Variants in ATOSA observed in about 807,000 individuals in gnomAD.
The protein encoded by ATOSA is atos homolog protein A.
At chr15:52,613,150 G>C in the ATOSA span, among the ~76,000 whole-genome samples, 1 of 152,130 alleles carries the variant, frequency 6.6e-6, no homozygotes, top group Non-Finnish European at 1.5e-5. Context: ...GGCGGATCAT[G>C]AGGTCAGGAG....
chr15:52,582,265 G>GT, the ATOSA span: 1 of 1,598,124 alleles, frequency 6.3e-7, no homozygotes, highest in Non-Finnish European at 8.5e-7. Flanking sequence ...GGAGCCGTAC[G>GT]TCTCTATGGA....
the ATOSA span, among the ~76,000 whole-genome samples, chr15:52,689,049 T>C: frequency 3.9e-5 from 6 of 152,144 alleles, no homozygotes; most frequent in Admixed American, 3.9e-4. Flanking sequence ...ATTCTGAGAA[T>C]AGTTAGTAGC....
At chr15:52,666,919 C>T in the ATOSA span, among the ~76,000 whole-genome samples, 1 of 151,302 alleles carries the variant, frequency 6.6e-6, no homozygotes, top group Non-Finnish European at 1.5e-5. Context: ...AAGGATGGTC[C>T]GAGAAGGCTT....
chr15:52,673,909 C>T, the ATOSA span, among the ~76,000 whole-genome samples: 2 of 152,024 alleles, frequency 1.3e-5, no homozygotes, highest in Non-Finnish European at 2.9e-5. Context: ...TGTAATATAG[C>T]CAAATGGAGG....
At chr15:52,695,673 A>G in the ATOSA span, among the ~76,000 whole-genome samples, 1 of 152,202 alleles carries the variant, frequency 6.6e-6, no homozygotes, top group African/African-American at 2.4e-5. Context: ...AAATGGTATG[A>G]GATATAAGAG....
the ATOSA span, among the ~76,000 whole-genome samples, chr15:52,644,767 C>A: frequency 6.6e-6 from 1 of 152,108 alleles, no homozygotes; most frequent in East Asian, 1.9e-4. Context: ...TAGGCAATCA[C>A]TAAATCTCTA....
the ATOSA span, among the ~76,000 whole-genome samples, chr15:52,615,608 A>G: frequency 6.6e-6 from 1 of 152,220 alleles, no homozygotes; most frequent in African/African-American, 2.4e-5. Flanking sequence ...ATGCAAAAAG[A>G]AAGACTGGAG....
chr15:52,600,950 G>A, the ATOSA span: 7 of 611,250 alleles, frequency 1.1e-5, 1 homozygote, highest in South Asian at 6.4e-5. Context: ...TAATAACTGC[G>A]TGTGTACATG....
chr15:52,696,937 A>G, the ATOSA span, among the ~76,000 whole-genome samples: 1 of 152,122 alleles, frequency 6.6e-6, no homozygotes, highest in Non-Finnish European at 1.5e-5. Context: ...TCAAGGCCAG[A>G]AAAGATTAAA....
the ATOSA span, among the ~76,000 whole-genome samples, chr15:52,613,302 G>A: frequency 2.0e-5 from 3 of 152,224 alleles, no homozygotes; most frequent in Non-Finnish European, 4.4e-5. Flanking sequence ...GGAGGTGGAG[G>A]TTGCAGTGAG....
At chr15:52,637,815 G>A in the ATOSA span, among the ~76,000 whole-genome samples, 21 of 152,218 alleles carry the variant, frequency 1.4e-4, no homozygotes, top group East Asian at 3.5e-3. Context: ...TTATAGTATT[G>A]CTATTAAAGC....
the ATOSA span, among the ~76,000 whole-genome samples, chr15:52,706,750 C>T: frequency 6.6e-6 from 1 of 152,284 alleles, no homozygotes; most frequent in East Asian, 1.9e-4. Context: ...TGTATTGATG[C>T]ATGCCACAAA....
chr15:52,668,465 G>A, the ATOSA span, among the ~76,000 whole-genome samples: 1 of 152,110 alleles, frequency 6.6e-6, no homozygotes, highest in Non-Finnish European at 1.5e-5. Context: ...TTAGATAGGA[G>A]GAATAAATTC....
chr15:52,706,773 G>A, the ATOSA span, among the ~76,000 whole-genome samples: 3 of 152,204 alleles, frequency 2.0e-5, no homozygotes, highest in East Asian at 1.9e-4. Flanking sequence ...GGATGAAATC[G>A]AAAACATCAT....
chr15:52,619,854 A>G, the ATOSA span, among the ~76,000 whole-genome samples: 2 of 152,036 alleles, frequency 1.3e-5, no homozygotes, highest in Admixed American at 6.6e-5. Flanking sequence ...AAAGAAAAGA[A>G]AAGAAAAATA....
the ATOSA span, among the ~76,000 whole-genome samples, chr15:52,671,501 G>T: frequency 1.3e-5 from 2 of 152,140 alleles, no homozygotes; most frequent in African/African-American, 4.8e-5. Flanking sequence ...CCTACTAAAT[G>T]ATGGGAATAC....
At chr15:52,626,677 AG>A in the ATOSA span, among the ~76,000 whole-genome samples, 4 of 152,134 alleles carry the variant, frequency 2.6e-5, no homozygotes, top group Non-Finnish European at 4.4e-5. Context: ...ATAATGGTAA[AG>A]GGGGGCCTTA....
At chr15:52,666,988 G>A in the ATOSA span, among the ~76,000 whole-genome samples, 6 of 152,138 alleles carry the variant, frequency 3.9e-5, 1 homozygote, top group South Asian at 1.0e-3. Context: ...TATATTCTGA[G>A]CGAAGATATC....
the ATOSA span, among the ~76,000 whole-genome samples, chr15:52,588,935 G>A: frequency 1.3e-5 from 2 of 152,168 alleles, no homozygotes; most frequent in African/African-American, 2.4e-5. Flanking sequence ...ATCAGGTGAC[G>A]TCTCTCTGTT....
Sources: allele counts gnomAD v4.1 joint callset (sites outside exome capture counted in the v4.1 genomes callset), GRCh38; gene constraint gnomAD v4.1.1; transcripts MANE v1.5; gene names NCBI Gene and HGNC (gene_info 2026-07-23, HGNC 2026-07-21).